The following MYCBP2 variants were observed in gnomAD, a reference collection of about 807,000 sequenced individuals.
The protein encoded by MYCBP2 is E3 ubiquitin-protein ligase MYCBP2.
Under a neutral mutation model 525.3 loss-of-function variants are expected in MYCBP2, and 120 were observed. The observed-to-expected ratio is 0.23, with a 90% CI of 0.20 to 0.27. MYCBP2 has a LOEUF of 0.27. Ranked by LOEUF, MYCBP2 falls within the 10% of genes least tolerant of loss-of-function variation. MYCBP2 has a pLI of 1.00. For missense variants in MYCBP2, 4,149 were observed against 5,657.1 expected (o/e 0.73, Z 8.55); for synonymous variants, 1,894 against 1,955.8 (o/e 0.97, Z 0.83).
Position 77,048,377 on chromosome 13 carries a change from GTTATAGCAGC to G in MYCBP2, c.13921+2610_13921+2619del, listed in dbSNP as rs531934108. On this transcript the variant is annotated intron_variant, in intron 82 of 82. Transcript: ENST00000544440. ...TAAGCTACCCAGTTTACAGTATTTTGTTATAGCAGCTTGAATGGATGAAGACTGATTATCT... is the reference window on the plus strand; with the variant it reads ...TAAGCTACCCAGTTTACAGTATTTTGTTGAATGGATGAAGACTGATTATCT... Among the ~76,000 whole-genome samples, 10 of 152,284 alleles carry G rather than the reference GTTATAGCAGC, an allele frequency of 6.6e-5. No homozygotes were observed. In the South Asian group the frequency reaches 2.1e-3, roughly 32 times the overall value.
chr13:77,093,089 C>T (rs1379729141), intron 59 of MYCBP2, 76 bp downstream of exon 59: 3 of 1,401,234 alleles, frequency 2.1e-6, no homozygotes, highest in Non-Finnish European at 2.9e-6. Flanking sequence ...AGAACTTCTA[C>T]AGGACTCTTT....
intron 46 of MYCBP2, among the ~76,000 whole-genome samples, chr13:77,152,907 T>C (rs576390390): frequency 1.3e-5 from 2 of 151,744 alleles, no homozygotes; most frequent in African/African-American, 4.8e-5. Flanking sequence ...CTACTAAAAA[T>C]ACAAAAAATT....
At chr13:77,226,512 A>C (rs1242865095) in intron 18 of MYCBP2, among the ~76,000 whole-genome samples, 1 of 152,218 alleles carries the variant, frequency 6.6e-6, no homozygotes, top group Non-Finnish European at 1.5e-5. Context: ...AAGGAATTTC[A>C]CAAGTTCAAC....
At chr13:77,096,633 G>T in intron 56 of MYCBP2, 152 bp from the exon 57 acceptor site, 1 of 766,768 alleles carries the variant, frequency 1.3e-6, no homozygotes. Context: ...AACTATATCA[G>T]AAAAATAGCT....
At chr13:77,113,211 C>T (rs1369129459) in intron 55 of MYCBP2, among the ~76,000 whole-genome samples, 2 of 152,170 alleles carry the variant, frequency 1.3e-5, no homozygotes, top group African/African-American at 4.8e-5. Context: ...TCTCACAAGT[C>T]CTTCAACACT....
At chr13:77,195,292 T>C (rs73241450) in intron 26 of MYCBP2, among the ~76,000 whole-genome samples, 1 of 152,126 alleles carries the variant, frequency 6.6e-6, no homozygotes, top group Admixed American at 6.6e-5. Context: ...TCACCTAATC[T>C]CTTAGATAAA....
rs957820270 is a variant in MYCBP2, at chr13:77,273,638, G to A, written c.779C>T (p.Thr260Ile). ...GTCATTCATCCCAGTACTTCGAACGGTGATTTCCAAAAGAAGCTGGAAGAG... is the reference window on the plus strand; with the variant it reads ...GTCATTCATCCCAGTACTTCGAACGATGATTTCCAAAAGAAGCTGGAAGAG... The part of the protein sequence containing the change: ...ESLFQLLLEI[T>I]VRSTGMNDST... The change falls in exon 5 of 83, where the codon ACC becomes ATC. Residue 260 changes from threonine (T) to isoleucine (I), a missense_variant. By Grantham distance (89) the Thr-to-Ile change is moderately conservative. Coordinates refer to ENST00000544440, the MANE Select transcript of MYCBP2 (RefSeq NM_015057.5). 8 of 1,558,288 alleles carry A rather than the reference G, an allele frequency of 5.1e-6. No homozygotes were observed. The highest frequency in any genetic ancestry group is 6.9e-6 in the Non-Finnish European group (8 of 1,157,834).
rs769519188 is a variant in MYCBP2, at chr13:77,177,962, C to G, written c.5134-8G>C. On this transcript the variant is annotated splice_region_variant and splice_polypyrimidine_tract_variant and intron_variant, in intron 34 of 82. Transcript: ENST00000544440. Reference sequence around the variant, plus strand: ...AGAATTAAGTCCATCAACCTGTGAACAATAAAAGCAATTGTATCAGTAGTT... The same window carrying G: ...AGAATTAAGTCCATCAACCTGTGAAGAATAAAAGCAATTGTATCAGTAGTT... The G allele has an allele frequency of 7.8e-6, 12 of 1,534,506 alleles. No homozygotes were observed. The highest frequency in any genetic ancestry group is 1.1e-5 in the Non-Finnish European group (12 of 1,107,408).
chr13:77,323,177 G>A (rs901254402), intron 1 of MYCBP2, among the ~76,000 whole-genome samples: 1 of 152,156 alleles, frequency 6.6e-6, no homozygotes, highest in Non-Finnish European at 1.5e-5. Flanking sequence ...TAGAAGTTAT[G>A]TAATATACTC....
At chr13:77,155,974 T>C in intron 46 of MYCBP2, 84 bp downstream of exon 46, 1 of 1,322,858 alleles carries the variant, frequency 7.6e-7, no homozygotes, top group Non-Finnish European at 1.0e-6. Context: ...ACAAATGGAC[T>C]CTCAGCACTT....
intron 65 of MYCBP2, among the ~76,000 whole-genome samples, chr13:77,079,376 G>A (rs1396314060): frequency 6.6e-6 from 1 of 152,146 alleles, no homozygotes; most frequent in Non-Finnish European, 1.5e-5. Flanking sequence ...CCAAACTAGG[G>A]AAGGCAACAT....
Position 77,098,403 on chromosome 13 carries a change from T to G in MYCBP2, c.8751A>C (p.Arg2917Ser). Reference sequence around the variant, plus strand: ...CCTGTACCACATGGGGAGAGGGAGCTCTATTTTCAGATCCAGGGGAATCTG... The same window carrying G: ...CCTGTACCACATGGGGAGAGGGAGCGCTATTTTCAGATCCAGGGGAATCTG... ...DSTDSPGSEN[R>S]APSPHVVQEN... The change falls in exon 56 of 83, where the codon AGA (arginine) becomes AGC (serine). Residue 2917 changes from arginine to serine, a missense_variant. Physicochemically the swap from Arg to Ser is moderately radical, Grantham distance 110. Around this residue, in one of 21 missense-constraint regions of MYCBP2, gnomAD observed 653 missense variants for 744.7 expected, o/e 0.88. Coordinates refer to ENST00000544440, the MANE Select transcript of MYCBP2 (RefSeq NM_015057.5). The G allele has an allele frequency of 6.2e-7, 1 of 1,613,622 alleles. No individual in the cohort carries two copies. Among genetic ancestry groups the G allele is most frequent in the Non-Finnish European group, 8.5e-7 (1 of 1,179,794 alleles).
chr13:77,137,888 C>T (rs2054003711), intron 52 of MYCBP2, among the ~76,000 whole-genome samples: 2 of 151,818 alleles, frequency 1.3e-5, no homozygotes, highest in South Asian at 4.1e-4. Context: ...CTGGCTCTCC[C>T]ATCTGTATAA....
intron 18 of MYCBP2, among the ~76,000 whole-genome samples, chr13:77,225,824 G>C (rs1454230007): frequency 2.0e-5 from 3 of 152,044 alleles, no homozygotes; most frequent in Non-Finnish European, 4.4e-5. Context: ...TGTAATAAAC[G>C]GGTCATTAAG....
At chr13:77,141,375 G>A (rs1482861798) in intron 49 of MYCBP2, among the ~76,000 whole-genome samples, 5 of 151,994 alleles carry the variant, frequency 3.3e-5, no homozygotes, top group South Asian at 2.1e-4. Flanking sequence ...CCAATATCTC[G>A]CACTAACTGT....
At chr13:77,155,587 A>G (rs1288720489) in intron 46 of MYCBP2, among the ~76,000 whole-genome samples, 1 of 152,182 alleles carries the variant, frequency 6.6e-6, no homozygotes, top group African/African-American at 2.4e-5. Context: ...ATGGTATACA[A>G]CTATTTCAAT....
At chr13:77,144,677 C>A in intron 48 of MYCBP2, 117 bp from the exon 49 acceptor site, 1 of 729,674 alleles carries the variant, frequency 1.4e-6, no homozygotes, top group East Asian at 2.5e-5. Context: ...TCCTACCACC[C>A]TGCCATAGTA....
chr13:77,277,954 G>A (rs1436039850), intron 4 of MYCBP2, among the ~76,000 whole-genome samples: 1 of 152,166 alleles, frequency 6.6e-6, no homozygotes, highest in Non-Finnish European at 1.5e-5. Context: ...TACCTTTTAA[G>A]TAAAAGCTCC....
At chr13:77,051,962 C>T in intron 80 of MYCBP2, 44 bp from the exon 81 acceptor site, 1 of 1,482,688 alleles carries the variant, frequency 6.7e-7, no homozygotes, top group South Asian at 1.1e-5. Context: ...AAAAAGAAAA[C>T]TCTGGCATGG....
Sources: gnomAD v4.1 joint callset for allele counts (sites outside exome capture counted in the v4.1 genomes callset) on GRCh38, gnomAD v4.1.1 for gene constraint, gnomAD v4.1.1 regional missense constraint, MANE v1.5 for transcripts, NCBI Gene and HGNC (gene_info 2026-07-23, HGNC 2026-07-21) for gene names.